The following SDK1 variants were observed in gnomAD, a reference collection of about 807,000 sequenced individuals.
SDK1 encodes sidekick cell adhesion molecule 1, also known as protein sidekick-1.
A neutral mutation model predicts 245.5 loss-of-function variants in SDK1; 157 were observed. The ratio of observed to expected loss-of-function variants is 0.64; its 90% CI spans 0.56 to 0.73. The LOEUF (loss-of-function observed/expected upper bound fraction) is 0.73. Ranked by LOEUF, SDK1 falls within the 30% of genes least tolerant of loss-of-function variation. The pLI is 0.00. For synonymous variants in SDK1, 1,647 were observed against 1,278.5 expected, an observed-to-expected ratio of 1.29 and a Z score of -6.15; for missense variants, 3,583 against 3,002.3, an observed-to-expected ratio of 1.19 and a Z score of -4.52.
At chr7:3,755,993 C>A (rs1365289926) in intron 4 of SDK1, among the ~76,000 whole-genome samples, 1 of 151,366 alleles carries the variant, frequency 6.6e-6, no homozygotes, top group African/African-American at 2.4e-5. Flanking sequence ...ACATGCATAT[C>A]TTTGATGTTT....
At chr7:3,907,632 A>T (rs1778998585) in intron 5 of SDK1, among the ~76,000 whole-genome samples, 2 of 152,230 alleles carry the variant, frequency 1.3e-5, no homozygotes, top group Admixed American at 1.3e-4. Context: ...ATATATCCCT[A>T]AGAGTGCGAT....
At chr7:3,313,086 T>A (rs1779587395) in intron 1 of SDK1, among the ~76,000 whole-genome samples, 1 of 152,168 alleles carries the variant, frequency 6.6e-6, no homozygotes. Context: ...TAGAATTCCA[T>A]GTCCATATAA....
intron 14 of SDK1, among the ~76,000 whole-genome samples, chr7:3,989,257 C>T (rs984065331): frequency 3.3e-5 from 5 of 152,164 alleles, no homozygotes; most frequent in Admixed American, 6.5e-5. Flanking sequence ...TCTCACATGG[C>T]GGCAGACAAG....
At chr7:4,066,221 C>T (rs1196216923) in intron 19 of SDK1, among the ~76,000 whole-genome samples, 7 of 152,174 alleles carry the variant, frequency 4.6e-5, no homozygotes. Context: ...CGCTATGTTT[C>T]TCCTGAACGG....
At chr7:4,029,030 A>G (rs2128157539) in intron 17 of SDK1, among the ~76,000 whole-genome samples, 1 of 149,706 alleles carries the variant, frequency 6.7e-6, no homozygotes, top group African/African-American at 2.5e-5. Context: ...AAAGTGCGGC[A>G]CATTCTACCA....
Position 4,124,218 on chromosome 7 carries a change from G to A in SDK1, c.3824-3163G>A, listed in dbSNP as rs148118802. 1.9e-3 allele frequency among the ~76,000 whole-genome samples: 290 copies of A among 152,334 alleles called. 1 individual carries two copies. Among genetic ancestry groups the A allele is most frequent in the Admixed American group, 4.6e-3 (70 of 15,308 alleles). On this transcript the variant is annotated intron_variant, in intron 25 of 44. Transcript: ENST00000404826. ...TGGCATTGTCTTAAAGACTGTGTTCGTGTCATAGCAGAATGCCCCAAACGG... is the reference window on the plus strand; with the variant it reads ...TGGCATTGTCTTAAAGACTGTGTTCATGTCATAGCAGAATGCCCCAAACGG...
chr7:4,000,738 T>A (rs900288154), intron 14 of SDK1, among the ~76,000 whole-genome samples: 1 of 152,232 alleles, frequency 6.6e-6, no homozygotes, highest in Non-Finnish European at 1.5e-5. Flanking sequence ...TTTAATACTG[T>A]CTTTGAAACA....
intron 10 of SDK1, 59 bp downstream of exon 10, chr7:3,967,493 C>A: frequency 9.8e-7 from 1 of 1,015,484 alleles, no homozygotes; most frequent in Non-Finnish European, 1.6e-6. Flanking sequence ...CCTATCGGGC[C>A]AGTGCTTGCT....
rs149364351 is a variant in SDK1 at position 3,551,256 on chromosome 7, T to C, written c.299-67824T>C. On this transcript the variant is annotated intron_variant, in intron 1 of 44. Transcript: ENST00000404826. ...ATTAATACAGGTCATATAACATTAA[T>C]GTGTCAGCACCTCATGGATATGTGA... is the stretch of plus-strand genomic sequence containing the variant. 2.6e-3 allele frequency among the ~76,000 whole-genome samples: 400 copies of C among 152,350 alleles called. 2 individuals are homozygous for C. The highest frequency in any genetic ancestry group is 9.1e-3 in the African/African-American group (377 of 41,590).
At chr7:4,091,351 T>TTTTG (rs1781788677) in intron 22 of SDK1, among the ~76,000 whole-genome samples, 1 of 143,180 alleles carries the variant, frequency 7.0e-6, no homozygotes. Flanking sequence ...TTTTTTTTTT[T>TTTTG]TTTTTGTTTG....
intron 4 of SDK1, among the ~76,000 whole-genome samples, chr7:3,655,448 A>AAT (rs1194322286): frequency 2.0e-3 from 134 of 66,198 alleles, no homozygotes; most frequent in African/African-American, 2.6e-3. Flanking sequence ...AAACAAAACA[A>AAT]ATATATATAT....
At chr7:3,662,182 A>T (rs778800781) in intron 4 of SDK1, among the ~76,000 whole-genome samples, 1 of 152,066 alleles carries the variant, frequency 6.6e-6, no homozygotes, top group South Asian at 2.1e-4. Context: ...CAAAAGTCCA[A>T]ATTCTCAATA....
intron 4 of SDK1, among the ~76,000 whole-genome samples, chr7:3,812,044 A>C (rs933295866): frequency 1.1e-4 from 16 of 152,208 alleles, no homozygotes; most frequent in African/African-American, 3.6e-4. Context: ...TTATCTTTTT[A>C]TGCCTTTGCA....
intron 25 of SDK1, among the ~76,000 whole-genome samples, chr7:4,125,366 T>TG (rs1784325865): frequency 2.0e-5 from 3 of 149,556 alleles, no homozygotes; most frequent in South Asian, 4.3e-4. Context: ...GATGGATGGA[T>TG]GAATGGATGG....
At chr7:3,618,405 A>G (rs1781834811) in intron 1 of SDK1, among the ~76,000 whole-genome samples, 1 of 152,206 alleles carries the variant, frequency 6.6e-6, no homozygotes, top group Admixed American at 6.5e-5. Context: ...ATAGTAGCAC[A>G]TGCTATAAGC....
At chr7:4,019,370 G>T (rs190752301) in intron 17 of SDK1, among the ~76,000 whole-genome samples, 5 of 152,298 alleles carry the variant, frequency 3.3e-5, no homozygotes, top group Non-Finnish European at 5.9e-5. Context: ...TGCCTCTGAC[G>T]TCAGTAGGAC....
intron 4 of SDK1, among the ~76,000 whole-genome samples, chr7:3,797,458 TAC>T (rs34376723): frequency 0.55 from 81,524 of 147,326 alleles, 22,600 homozygotes; most frequent in East Asian, 0.76. Flanking sequence ...GGGGTGTGTA[TAC>T]ACACACACAC....
chr7:4,232,206 A>G (rs1785821595), intron 40 of SDK1, among the ~76,000 whole-genome samples: 1 of 151,546 alleles, frequency 6.6e-6, no homozygotes, highest in African/African-American at 2.4e-5. Context: ...CTTTGTTATC[A>G]CCATTCTACA....
At chr7:4,152,357 G>T (rs1217006004) in intron 30 of SDK1, among the ~76,000 whole-genome samples, 1 of 152,212 alleles carries the variant, frequency 6.6e-6, no homozygotes, top group Non-Finnish European at 1.5e-5. Context: ...AGCCCCGAGG[G>T]TCAGGGGAGT....
Sources: gnomAD v4.1 joint callset for allele counts (sites outside exome capture counted in the v4.1 genomes callset) on GRCh38, gnomAD v4.1.1 for gene constraint, MANE v1.5 for transcripts, NCBI Gene and HGNC (gene_info 2026-07-23, HGNC 2026-07-21) for gene names.